The following MACROH2A2 variants were observed in gnomAD, a reference collection of about 807,000 sequenced individuals.
MACROH2A2 encodes core histone macro-H2A.2.
A neutral mutation model predicts 37.6 loss-of-function variants in MACROH2A2; 6 were observed. The observed-to-expected ratio is 0.16, with a 90% CI of 0.09 to 0.32. The LOEUF is 0.32. MACROH2A2 is among the 10% of genes least tolerant of loss of function. MACROH2A2 has a pLI of 1.00. For synonymous variants in MACROH2A2, 192 were observed against 202.7 expected, an observed-to-expected ratio of 0.95 and a Z score of 0.45; for missense variants, 290 against 485.9, an observed-to-expected ratio of 0.60 and a Z score of 3.79.
rs532430889 is a variant in MACROH2A2 at position 70,056,944 on chromosome 10, C to A, written c.-60+3944C>A. On this transcript the variant is annotated intron_variant, in intron 1 of 8. Coordinates refer to ENST00000373255, the MANE Select transcript of MACROH2A2 (RefSeq NM_018649.3). ...GAGTTCCAATATAGTATTGGAAGAT[C>A]ATGTTTTTAAAAGGAGTGTAGTGAA... Among the ~76,000 whole-genome samples, 5 of 152,156 alleles carry A rather than the reference C, an allele frequency of 3.3e-5. No individual in the cohort carries two copies. The South Asian group carries it at 1.0e-3, about 32-fold the overall frequency.
intron 3 of MACROH2A2, among the ~76,000 whole-genome samples, chr10:70,091,232 T>C (rs1407616303): frequency 6.6e-6 from 1 of 152,258 alleles, no homozygotes; most frequent in Non-Finnish European, 1.5e-5. Flanking sequence ...TCTATTTTGC[T>C]TTACTTCGTT....
chr10:70,106,226 T>TCTTCACCAGGC (rs2072336708), intron 7 of MACROH2A2, among the ~76,000 whole-genome samples: 1 of 152,176 alleles, frequency 6.6e-6, no homozygotes, highest in Non-Finnish European at 1.5e-5. Flanking sequence ...AGAATGCAGG[T>TCTTCACCAGGC]CTTCACCAGG....
intron 6 of MACROH2A2, among the ~76,000 whole-genome samples, 177 bp downstream of exon 6, chr10:70,095,930 C>T (rs913116492): frequency 1.1e-4 from 16 of 152,154 alleles, no homozygotes; most frequent in Admixed American, 7.9e-4. Flanking sequence ...TTTAATTCTG[C>T]ATATATTTTT....
chr10:70,101,375 G>C (rs2072305973), intron 7 of MACROH2A2, among the ~76,000 whole-genome samples: 1 of 152,202 alleles, frequency 6.6e-6, no homozygotes, highest in Admixed American at 6.5e-5. Context: ...CAAGGAGCAA[G>C]AAGCCAGCAA....
At chr10:70,069,470 A>C (rs946378435) in intron 1 of MACROH2A2, among the ~76,000 whole-genome samples, 1 of 152,130 alleles carries the variant, frequency 6.6e-6, no homozygotes, top group African/African-American at 2.4e-5. Flanking sequence ...TTGCAGATTC[A>C]GGGTTTGTCT....
intron 1 of MACROH2A2, among the ~76,000 whole-genome samples, chr10:70,066,910 C>G (rs1300390256): frequency 6.6e-6 from 1 of 152,098 alleles, no homozygotes; most frequent in Non-Finnish European, 1.5e-5. Flanking sequence ...CTATTTAGTG[C>G]CATGTTTTTC....
intron 6 of MACROH2A2, chr10:70,099,224 C>T (rs561170344): frequency 6.6e-6 from 1 of 152,262 alleles, no homozygotes; most frequent in Non-Finnish European, 1.5e-5. Context: ...TGCACGCCCT[C>T]CCCCAGTGGA....
At chr10:70,108,746 T>G (rs2072352155) in intron 7 of MACROH2A2, among the ~76,000 whole-genome samples, 1 of 152,134 alleles carries the variant, frequency 6.6e-6, no homozygotes, top group Non-Finnish European at 1.5e-5. Flanking sequence ...CTAGGAACCA[T>G]TGTGAGGAGG....
At chr10:70,069,410 AAT>A (rs1208249193) in intron 1 of MACROH2A2, among the ~76,000 whole-genome samples, 2 of 152,154 alleles carry the variant, frequency 1.3e-5, no homozygotes, top group Non-Finnish European at 2.9e-5. Context: ...CTCTACGAGT[AAT>A]TATAAGACTG....
Position 70,093,851 on chromosome 10 carries a change from A to C in MACROH2A2, c.588+6A>C, listed in dbSNP as rs1411065654. The C allele has an allele frequency of 1.4e-6, 2 of 1,458,248 alleles. No homozygotes were observed. Among genetic ancestry groups the C allele is most frequent in the African/African-American group, 2.8e-5 (2 of 71,852 alleles). The allele number at this position is 1,458,248 out of a possible 1,614,324, so 90.3% of individuals were successfully genotyped here. ...GCCTTGTTCTGGGACAGAAGGTAAC[A>C]AAGAGAATTGCCTTGTGCTATATTA... On this transcript the variant is annotated splice_donor_region_variant and intron_variant, in intron 5 of 8. Transcript: ENST00000373255.
At chr10:70,079,975 G>A in intron 2 of MACROH2A2, among the ~76,000 whole-genome samples, 1 of 152,140 alleles carries the variant, frequency 6.6e-6, no homozygotes, top group East Asian at 1.9e-4. Context: ...AAGGAGTAGG[G>A]AATGGGTAAA....
intron 2 of MACROH2A2, among the ~76,000 whole-genome samples, chr10:70,084,473 ACCCAGGTTAAAACTGCGAG>A (rs1310367300): frequency 6.6e-6 from 1 of 152,004 alleles, no homozygotes; most frequent in Non-Finnish European, 1.5e-5. Context: ...AATCACTTGA[ACCCAGGTTAAAACTGCGAG>A]CCCAGGTTAA....
intron 1 of MACROH2A2, among the ~76,000 whole-genome samples, chr10:70,061,521 A>G (rs2072050012): frequency 6.6e-6 from 1 of 152,216 alleles, no homozygotes; most frequent in Admixed American, 6.5e-5. Context: ...CTCAGGTTCA[A>G]CAGAGACAAC....
rs890614940 is a variant in MACROH2A2 at position 70,109,227 on chromosome 10, A to C, written c.953+20A>C. The C allele has an allele frequency of 1.9e-6, 3 of 1,604,912 alleles. No individual in the cohort carries two copies. In the South Asian group the frequency reaches 3.3e-5, roughly 18 times the overall value. ...CGGCAGGTAAGATGCAGTTCCCCTG[A>C]GTTGATTCCTCCGGCTTTTTCCCTG... is the stretch of plus-strand genomic sequence containing the variant. On this transcript the variant is annotated intron_variant, in intron 8 of 8. Coordinates refer to ENST00000373255, the MANE Select transcript of MACROH2A2 (RefSeq NM_018649.3).
Position 70,075,359 on chromosome 10 carries a change from T to C in MACROH2A2, c.-59-241T>C, listed in dbSNP as rs1405248934. 6.6e-6 allele frequency among the ~76,000 whole-genome samples: 1 copy of C among 152,222 alleles called. No homozygotes were observed. Among genetic ancestry groups the C allele is most frequent in the Non-Finnish European group, 1.5e-5 (1 of 68,042 alleles). On this transcript the variant is annotated intron_variant, in intron 1 of 8. Transcript: ENST00000373255. The surrounding 1 kb of genome is among the most constrained non-coding windows in gnomAD (Gnocchi z 5.0). Reference sequence around the variant, plus strand: ...CTCCCTATTCAGTGACAGTTTTCTGTGGCCTTTCCTCTTGAGGTCAGGCTG... The same window carrying C: ...CTCCCTATTCAGTGACAGTTTTCTGCGGCCTTTCCTCTTGAGGTCAGGCTG...
chr10:70,079,558 C>CGT (rs1554822092), intron 2 of MACROH2A2, among the ~76,000 whole-genome samples: 1 of 118,314 alleles, frequency 8.5e-6, no homozygotes, highest in African/African-American at 3.7e-5. Flanking sequence ...GGTTCGCGCG[C>CGT]GCGCGCGCAC....
chr10:70,091,673 CAA>C (rs571416539), intron 3 of MACROH2A2, 82 bp from the exon 4 acceptor site: 45,610 of 663,126 alleles, frequency 0.069, no homozygotes, highest in Non-Finnish European at 0.074. Context: ...GATTCTGTAT[CAA>C]AAAAAAAAAA....
intron 1 of MACROH2A2, among the ~76,000 whole-genome samples, chr10:70,070,009 G>T (rs150302581): frequency 3.9e-5 from 6 of 152,258 alleles, no homozygotes; most frequent in Middle Eastern, 3.4e-3. Context: ...ACTTCCTCCC[G>T]TCGGTGGGCT....
chr10:70,078,612 T>G (rs755071382), intron 2 of MACROH2A2, among the ~76,000 whole-genome samples: 29 of 152,244 alleles, frequency 1.9e-4, no homozygotes, highest in Non-Finnish European at 3.5e-4. Flanking sequence ...AGCTAATATG[T>G]GTAAAACACC....
Sources: gnomAD v4.1 joint callset for allele counts (sites outside exome capture counted in the v4.1 genomes callset) on GRCh38, gnomAD v4.1.1 for gene constraint, Gnocchi (gnomAD v3.1) non-coding constraint, MANE v1.5 for transcripts, NCBI Gene and HGNC (gene_info 2026-07-23, HGNC 2026-07-21) for gene names.